The following MGAT5 variants were observed in gnomAD, a reference collection of about 807,000 sequenced individuals.
The protein encoded by MGAT5 is alpha-1,6-mannosylglycoprotein 6-beta-N-acetylglucosaminyltransferase A.
In MGAT5, 30 loss-of-function variants were observed where a neutral mutation model predicts 94.3. The observed-to-expected ratio is 0.32, with a 90% CI of 0.24 to 0.43. The LOEUF is 0.43. Ranked by LOEUF, MGAT5 falls within the 20% of genes least tolerant of loss-of-function variation. MGAT5 has a pLI of 1.00. For missense variants in MGAT5, 691 were observed against 905.5 expected (o/e 0.76, Z 3.04); for synonymous variants, 310 against 322.9 (o/e 0.96, Z 0.43).
At chr2:134,416,956 A>C (rs1347352532) in intron 12 of MGAT5, among the ~76,000 whole-genome samples, 1 of 150,738 alleles carries the variant, frequency 6.6e-6, no homozygotes, top group Non-Finnish European at 1.5e-5. Flanking sequence ...CCTTTTTATG[A>C]ATATCTACAC....
intron 10 of MGAT5, among the ~76,000 whole-genome samples, chr2:134,387,332 A>ATATATATATATATATATTTT: frequency 8.2e-5 from 2 of 24,254 alleles, no homozygotes; most frequent in Non-Finnish European, 6.4e-5. Flanking sequence ...ATATATATAT[A>ATATATATATATATATATTTT]TTTTTTTTTT....
At chr2:134,275,122 C>A (rs1049733171) in intron 2 of MGAT5, among the ~76,000 whole-genome samples, 2 of 152,154 alleles carry the variant, frequency 1.3e-5, no homozygotes, top group African/African-American at 4.8e-5. Context: ...TGTCCCAGCT[C>A]CACCCCTGGG....
chr2:134,355,520 G>A (rs937719615), intron 9 of MGAT5, among the ~76,000 whole-genome samples: 83 of 152,206 alleles, frequency 5.5e-4, no homozygotes, highest in Admixed American at 9.2e-4. Flanking sequence ...TTATATTTAC[G>A]TATTATTTAA....
At chr2:134,419,387 C>A (rs1468236819) in intron 12 of MGAT5, among the ~76,000 whole-genome samples, 2 of 149,818 alleles carry the variant, frequency 1.3e-5, no homozygotes, top group Non-Finnish European at 3.0e-5. Context: ...TGAGTAGGTT[C>A]TCGATCATTT....
chr2:134,400,709 C>T lies in MGAT5; in HGVS notation c.1381-2279C>T, dbSNP rs140294368. On this transcript the variant is annotated intron_variant, in intron 10 of 15. Coordinates refer to ENST00000281923, the MANE Select transcript of MGAT5 (RefSeq NM_002410.5). ...CCCTGTAGCTCACCACAGACATAGC[C>T]TAGGGGCCTTTGGCCCATCTTCACT... Among the ~76,000 whole-genome samples the T allele has an allele frequency of 1.2e-4, 18 of 152,272 alleles. No individual in the cohort carries two copies. In the East Asian group the frequency reaches 3.3e-3, roughly 28 times the overall value.
At chr2:134,216,288 G>A (rs1422437418) in intron 1 of MGAT5, among the ~76,000 whole-genome samples, 2 of 152,180 alleles carry the variant, frequency 1.3e-5, no homozygotes, top group Non-Finnish European at 2.9e-5. Context: ...GTCAGTGGGT[G>A]AAAGATGGCT....
intron 1 of MGAT5, among the ~76,000 whole-genome samples, chr2:134,140,047 C>T (rs16830116): frequency 0.2 from 30,353 of 152,166 alleles, 4,159 homozygotes; most frequent in African/African-American, 0.4. Flanking sequence ...AAAAGTCCTT[C>T]CTCCATCAGG....
At chr2:134,428,590 A>C (rs1251162206) in intron 14 of MGAT5, 151 bp downstream of exon 14, 1 of 653,874 alleles carries the variant, frequency 1.5e-6, no homozygotes, top group East Asian at 2.8e-5. Context: ...TAGCACTGTC[A>C]TGGTCACCCA....
At chr2:134,437,616 ACTTAT>A (rs1685231891) in intron 14 of MGAT5, among the ~76,000 whole-genome samples, 1 of 152,222 alleles carries the variant, frequency 6.6e-6, no homozygotes, top group East Asian at 1.9e-4. Flanking sequence ...TTCCCGGTTG[ACTTAT>A]CTTTTCTGTT....
rs1028787787 is a variant in MGAT5, at chr2:134,349,816, G to A, written c.1124G>A (p.Arg375Gln). 8 of 1,613,306 alleles carry A rather than the reference G, an allele frequency of 5.0e-6. No homozygotes were observed. Among genetic ancestry groups the A allele is most frequent in the Non-Finnish European group, 5.9e-6 (7 of 1,179,614 alleles). Residue 375 changes from arginine to glutamine, a missense_variant, in exon 9 of 16, where the codon CGA (arginine) becomes CAA (glutamine). Arg to Gln is a conservative substitution (Grantham distance 43, BLOSUM62 1). This residue lies in a region of MGAT5 where 121 missense variants were observed against 206.1 expected (regional missense o/e 0.59). Transcript: ENST00000281923. ...PSWVHYQCML[R>Q]VLDSFGTEPE... ...CTTTTTTCTTTCAGGTGCATGCTCC[G>A]AGTCCTTGATTCATTTGGTACTGAA...
At chr2:134,160,391 C>T (rs185612255) in intron 1 of MGAT5, among the ~76,000 whole-genome samples, 117 of 152,298 alleles carry the variant, frequency 7.7e-4, no homozygotes, top group African/African-American at 2.3e-3. Flanking sequence ...CCAGGATGGT[C>T]TCGACCTCCT....
chr2:134,217,238 GGTGTGTGTGTGTGT>G (rs35795776), intron 1 of MGAT5, among the ~76,000 whole-genome samples: 1 of 145,226 alleles, frequency 6.9e-6, no homozygotes, highest in African/African-American at 2.6e-5. Context: ...GAGAGAGAGT[GGTGTGTGTGTGTGT>G]GTGTGTGTGT....
At chr2:134,227,901 A>G (rs559385576) in intron 1 of MGAT5, among the ~76,000 whole-genome samples, 1 of 152,254 alleles carries the variant, frequency 6.6e-6, no homozygotes, top group East Asian at 1.9e-4. Flanking sequence ...TTACCTAGAC[A>G]GGGCTGGTTG....
chr2:134,440,720 C>T (rs1049011353), intron 14 of MGAT5, among the ~76,000 whole-genome samples: 1 of 152,208 alleles, frequency 6.6e-6, no homozygotes, highest in Non-Finnish European at 1.5e-5. Flanking sequence ...CTGGTGGAGG[C>T]AGGCCTGATT....
intron 12 of MGAT5, among the ~76,000 whole-genome samples, chr2:134,414,055 A>C (rs985707950): frequency 6.6e-6 from 1 of 152,150 alleles, no homozygotes; most frequent in Non-Finnish European, 1.5e-5. Context: ...AAATAGCCAA[A>C]GGAGATAGAA....
At chr2:134,337,813 C>A (rs1395226859) in intron 5 of MGAT5, among the ~76,000 whole-genome samples, 1 of 152,138 alleles carries the variant, frequency 6.6e-6, no homozygotes. Context: ...CTATTTAACT[C>A]TGTGGACAGA....
At chr2:134,216,511 C>T (rs1287618635) in intron 1 of MGAT5, among the ~76,000 whole-genome samples, 2 of 152,242 alleles carry the variant, frequency 1.3e-5, no homozygotes, top group Non-Finnish European at 2.9e-5. Flanking sequence ...TTTGTTGAGG[C>T]AATTTCAGGA....
At chr2:134,146,864 G>T (rs1236583482) in intron 1 of MGAT5, among the ~76,000 whole-genome samples, 1 of 152,184 alleles carries the variant, frequency 6.6e-6, no homozygotes, top group East Asian at 1.9e-4. Flanking sequence ...ATTACTTCAT[G>T]AATGGAAGGA....
At chr2:134,306,886 G>A (rs1686360484) in intron 2 of MGAT5, among the ~76,000 whole-genome samples, 1 of 152,126 alleles carries the variant, frequency 6.6e-6, no homozygotes, top group African/African-American at 2.4e-5. Context: ...TTTCATTGCT[G>A]AGGTTCAGTG....
Sources: gnomAD v4.1 joint callset for allele counts (sites outside exome capture counted in the v4.1 genomes callset) on GRCh38, gnomAD v4.1.1 for gene constraint, gnomAD v4.1.1 regional missense constraint, MANE v1.5 for transcripts, NCBI Gene and HGNC (gene_info 2026-07-23, HGNC 2026-07-21) for gene names.